The following EYS variants were observed in gnomAD, a reference collection of about 807,000 sequenced individuals.
EYS encodes EGF-like photoreceptor maintenance factor.
Under a neutral mutation model 282.1 loss-of-function variants are expected in EYS, and 250 were observed. That is an observed-to-expected ratio of 0.89 (90% confidence interval 0.80 to 0.98). The LOEUF is 0.98. Among genes scored for constraint, EYS ranks in the 50% least tolerant of loss-of-function variants. EYS has a pLI of 0.00. For synonymous variants in EYS, 1,355 were observed against 1,282.9 expected (o/e 1.06, Z -1.20); for missense variants, 4,016 against 3,709.0 (o/e 1.08, Z -2.15).
intron 22 of EYS, among the ~76,000 whole-genome samples, chr6:64,635,926 G>A (rs745638855): frequency 8.5e-5 from 13 of 152,086 alleles, no homozygotes; most frequent in Admixed American, 1.3e-4. Flanking sequence ...ACCTCTGGTA[G>A]AATCTGGATG....
intron 26 of EYS, among the ~76,000 whole-genome samples, chr6:64,588,386 A>T (rs999728957): frequency 1.3e-5 from 2 of 152,106 alleles, no homozygotes; most frequent in African/African-American, 4.8e-5. Flanking sequence ...CTAGAGATCA[A>T]TTCAAAGGAC....
chr6:63,920,616 GGA>G (rs1450053263), intron 35 of EYS, among the ~76,000 whole-genome samples: 1 of 152,124 alleles, frequency 6.6e-6, no homozygotes, highest in Non-Finnish European at 1.5e-5. Context: ...TAAAATTCAG[GGA>G]AGTCTGTTGA....
intron 30 of EYS, among the ~76,000 whole-genome samples, chr6:64,292,833 A>C (rs1768764814): frequency 6.6e-6 from 1 of 152,132 alleles, no homozygotes; most frequent in African/African-American, 2.4e-5. Context: ...CATTCTGAGG[A>C]TTTAAAAAAT....
chr6:65,290,532 C>T (rs1768495794), intron 12 of EYS, among the ~76,000 whole-genome samples: 1 of 151,108 alleles, frequency 6.6e-6, no homozygotes, highest in Non-Finnish European at 1.5e-5. Context: ...TATACATTAG[C>T]AAATTCTTAG....
chr6:65,574,643 A>T (rs2127355392), intron 2 of EYS, among the ~76,000 whole-genome samples: 1 of 152,310 alleles, frequency 6.6e-6, no homozygotes, highest in Admixed American at 6.5e-5. Flanking sequence ...CTGAAGAGAG[A>T]AATAGACTGT....
intron 35 of EYS, among the ~76,000 whole-genome samples, chr6:63,908,539 A>G (rs1773840345): frequency 6.6e-6 from 1 of 151,902 alleles, no homozygotes; most frequent in Admixed American, 6.6e-5. Flanking sequence ...CAACCTCCAC[A>G]TCCCGGGTTC....
intron 29 of EYS, among the ~76,000 whole-genome samples, chr6:64,376,791 TA>T (rs200478343): frequency 1.3e-5 from 1 of 78,548 alleles, no homozygotes. Flanking sequence ...TAATAAAATT[TA>T]TTTTTTTTAA....
At chr6:65,285,054 GA>G (rs560901186) in intron 12 of EYS, among the ~76,000 whole-genome samples, 1,568 of 151,330 alleles carry the variant, frequency 0.01, 29 homozygotes, top group African/African-American at 0.036. Flanking sequence ...GGTCTTCCCT[GA>G]AAAAAAAGAA....
At chr6:65,149,770 G>A (rs1764566939) in intron 12 of EYS, among the ~76,000 whole-genome samples, 1 of 152,052 alleles carries the variant, frequency 6.6e-6, no homozygotes, top group African/African-American at 2.4e-5. Context: ...TATTTCTATA[G>A]CATTGCCCCA....
intron 22 of EYS, among the ~76,000 whole-genome samples, chr6:64,782,706 T>C (rs1432448093): frequency 6.6e-6 from 1 of 152,212 alleles, no homozygotes; most frequent in African/African-American, 2.4e-5. Context: ...TCTGATTATA[T>C]TAATCTCAAG....
At chr6:65,689,027 T>C (rs1769137206) in intron 1 of EYS, among the ~76,000 whole-genome samples, 1 of 150,636 alleles carries the variant, frequency 6.6e-6, no homozygotes, top group South Asian at 2.1e-4. Flanking sequence ...TTACTGGGTA[T>C]ATACCCAAAG....
intron 5 of EYS, among the ~76,000 whole-genome samples, chr6:65,440,551 C>A (rs1226749743): frequency 6.6e-6 from 1 of 151,498 alleles, no homozygotes; most frequent in Non-Finnish European, 1.5e-5. Context: ...ATAGGACGTG[C>A]AAGCTGGTGA....
intron 31 of EYS, among the ~76,000 whole-genome samples, chr6:64,164,952 G>A (rs1039361429): frequency 1.3e-5 from 2 of 151,958 alleles, no homozygotes; most frequent in Non-Finnish European, 2.9e-5. Flanking sequence ...CCTGTGTTAA[G>A]CATTTTTGCA....
At chr6:65,160,806 G>A (rs1042690406) in intron 12 of EYS, among the ~76,000 whole-genome samples, 1 of 150,816 alleles carries the variant, frequency 6.6e-6, no homozygotes, top group South Asian at 2.1e-4. Flanking sequence ...TGGATATCAC[G>A]AGAAATTCAA....
At chr6:63,972,269 C>T (rs996610272) in intron 35 of EYS, among the ~76,000 whole-genome samples, 8 of 152,058 alleles carry the variant, frequency 5.3e-5, no homozygotes, top group Non-Finnish European at 8.8e-5. Flanking sequence ...TTCTCCTTAC[C>T]TGCCTCTTTT....
Position 65,135,517 on chromosome 6 carries a change from G to T in EYS, c.2024-77790C>A, listed in dbSNP as rs114604408. 6.2e-3 allele frequency among the ~76,000 whole-genome samples: 944 copies of T among 152,040 alleles called. 11 individuals are homozygous for T. The highest frequency in any genetic ancestry group is 0.022 in the African/African-American group (894 of 41,514). On this transcript the variant is annotated intron_variant, in intron 12 of 42. Coordinates refer to ENST00000503581, the MANE Select transcript of EYS (RefSeq NM_001142800.2). Reference sequence around the variant, plus strand: ...ATATTTCAAGTTTATAGTTTATAAAGAATGTAGTTTCAGTGGATTTAAAAT... The same window carrying T: ...ATATTTCAAGTTTATAGTTTATAAATAATGTAGTTTCAGTGGATTTAAAAT...
intron 5 of EYS, among the ~76,000 whole-genome samples, chr6:65,439,951 T>A (rs1352527780): frequency 6.6e-6 from 1 of 151,846 alleles, no homozygotes; most frequent in East Asian, 1.9e-4. Context: ...AGATAAAAGG[T>A]GACAGTGGAG....
chr6:65,074,208 A>G (rs533056865), intron 12 of EYS, among the ~76,000 whole-genome samples: 1 of 152,202 alleles, frequency 6.6e-6, no homozygotes, highest in South Asian at 2.1e-4. Flanking sequence ...TGAGACTACA[A>G]TATGCCGACT....
intron 28 of EYS, among the ~76,000 whole-genome samples, chr6:64,407,777 G>A (rs1443018529): frequency 1.3e-5 from 2 of 152,020 alleles, no homozygotes; most frequent in Non-Finnish European, 2.9e-5. Flanking sequence ...TGTTGCCCAG[G>A]CTGGAGTGCA....
Sources: allele counts gnomAD v4.1 joint callset (sites outside exome capture counted in the v4.1 genomes callset), GRCh38; gene constraint gnomAD v4.1.1; transcripts MANE v1.5; gene names NCBI Gene and HGNC (gene_info 2026-07-23, HGNC 2026-07-21).